The following POU2F2 variants were observed in gnomAD, a reference collection of about 807,000 sequenced individuals.
POU2F2 encodes the protein POU domain, class 2, transcription factor 2.
POU2F2 carries 14 observed loss-of-function variants against 63.5 expected under a neutral mutation model. That is an observed-to-expected ratio of 0.22 (90% CI 0.15 to 0.34). The LOEUF (loss-of-function observed/expected upper bound fraction) is 0.34. Ranked by LOEUF, POU2F2 falls within the 10% of genes least tolerant of loss-of-function variation. The pLI is 1.00. For synonymous variants in POU2F2, 306 were observed against 348.6 expected (o/e 0.88, Z 1.36); for missense variants, 607 against 815.2 (o/e 0.74, Z 3.11).
At chr19:42,188,344 T>G in intron 1 of POU2F2, among the ~76,000 whole-genome samples, 2 of 139,698 alleles carry the variant, frequency 1.4e-5, no homozygotes, top group Non-Finnish European at 3.1e-5. Flanking sequence ...GCAACCTGGG[T>G]GACAGAGTGA....
Position 42,117,511 on chromosome 19 carries a change from G to C in POU2F2, c.187-79C>G. ...GAGGAGCAGACTGGGGTGTGGACATGAGGGTGCAGTCTGTGGTCCTGCACT... is the reference window on the plus strand; with the variant it reads ...GAGGAGCAGACTGGGGTGTGGACATCAGGGTGCAGTCTGTGGTCCTGCACT... On this transcript the variant is annotated intron_variant, in intron 4 of 14. Transcript: ENST00000692977. This position sits in a 1 kb window ranked among gnomAD's most constrained non-coding sequence, Gnocchi z 4.4. 1 of 676,110 alleles carries C rather than the reference G, an allele frequency of 1.5e-6. No homozygotes were observed. Among genetic ancestry groups the C allele is most frequent in the Non-Finnish European group, 2.6e-6 (1 of 390,946 alleles). 41.9% of individuals were successfully genotyped at this position (676,110 alleles called of 1,614,324 possible).
intron 1 of POU2F2, among the ~76,000 whole-genome samples, chr19:42,185,382 T>TG (rs2146819598): frequency 6.6e-6 from 1 of 152,274 alleles, no homozygotes; most frequent in East Asian, 1.9e-4. Flanking sequence ...AATATGGCTC[T>TG]GATCAAATCA....
In POU2F2 at chr19:42,096,904, A is replaced by G. The variant is rs1351602599; in HGVS notation, c.568-661T>C. The stretch of plus-strand genomic sequence containing the variant: ...ATGTGTAGGGGCAGAGATAGATGGG[A>G]TATCTCTATATCTTCCACTCAGTTT... On this transcript the variant is annotated intron_variant, in intron 7 of 14. Transcript: ENST00000692977. This position sits in a 1 kb window ranked among gnomAD's most constrained non-coding sequence, Gnocchi z 4.1. Among the ~76,000 whole-genome samples the G allele has an allele frequency of 1.3e-5, 2 of 152,122 alleles. No individual in the cohort carries two copies. The highest frequency in any genetic ancestry group is 6.6e-5 in the Admixed American group (1 of 15,252).
rs1297794674 is a variant in POU2F2, at chr19:42,171,309, T to C, written c.-70+4654A>G. On this transcript the variant is annotated intron_variant, in intron 1 of 6. Coordinates refer to the POU2F2 transcript ENST00000524801. ...AAGTCAAAATGAGTGTGTGTGTGTA[T>C]GCGTGTGTGTCTGTGTCTGTGTGTG... Among the ~76,000 whole-genome samples the C allele has an allele frequency of 2.0e-5, 3 of 152,090 alleles. 1 individual carries two copies. Among genetic ancestry groups the C allele is most frequent in the Non-Finnish European group, 2.9e-5 (2 of 68,004 alleles).
At position 42,099,569 on chromosome 19, in the gene POU2F2, T is replaced by A; in HGVS notation, c.525A>T (p.Gly175=). ...CCCGGGGCTGGGAGGTCAGAAGAGC[T>A]CCCTGGGTTTGCTGAGGTAGCTGGA... ...NLFQLPQQTQ[G]ALLTSQPRAG... The change falls in exon 7 of 15, where the codon GGA becomes GGT. Residue 175 remains glycine (G), a synonymous_variant. Coordinates refer to ENST00000692977, the MANE Select transcript of POU2F2 (RefSeq NM_001394376.1). The A allele has an allele frequency of 1.2e-6, 2 of 1,614,034 alleles. No individual in the cohort carries two copies. The highest frequency in any genetic ancestry group is 1.7e-6 in the Non-Finnish European group (2 of 1,179,970).
At chr19:42,137,617 T>G (rs757092751) in intron 2 of POU2F2, among the ~76,000 whole-genome samples, 6 of 151,762 alleles carry the variant, frequency 4.0e-5, no homozygotes, top group Non-Finnish European at 5.9e-5. Context: ...TCCCAGCTAC[T>G]CGAGAGGCTG....
chr19:42,164,889 G>A (rs577286943), intron 1 of POU2F2, among the ~76,000 whole-genome samples: 1 of 151,652 alleles, frequency 6.6e-6, no homozygotes. Flanking sequence ...TTAAGCCTCA[G>A]AGGTAGAGGC....
chr19:42,163,473 C>A (rs1331469826), intron 1 of POU2F2, among the ~76,000 whole-genome samples: 1 of 152,120 alleles, frequency 6.6e-6, no homozygotes. Context: ...TGAGGGAAGC[C>A]TGAGTGGGCA....
chr19:42,176,482 TCGCTCCTC>T (rs953473010), upstream of POU2F2, among the ~76,000 whole-genome samples: 15 of 152,178 alleles, frequency 9.9e-5, no homozygotes, highest in African/African-American at 2.6e-4. Flanking sequence ...GCCTCGGCTC[TCGCTCCTC>T]CGCTCCTCCG....
rs1344335686 is a variant in POU2F2, at chr19:42,095,169, A to AAG, written c.1197+115_1197+116dup. Reference sequence around the variant, plus strand: ...CCCATCTACGTGATGGCCTGTCTCCAAGAGTGACTCTTCTTGTCTCTGTTC... The same window carrying AAG: ...CCCATCTACGTGATGGCCTGTCTCCAAGAGAGTGACTCTTCTTGTCTCTGTTC... On this transcript the variant is annotated intron_variant, in intron 11 of 14. Coordinates refer to ENST00000692977, the MANE Select transcript of POU2F2 (RefSeq NM_001394376.1). This position sits in a 1 kb window ranked among gnomAD's most constrained non-coding sequence, Gnocchi z 7.1. 2.8e-5 allele frequency: 37 copies of AAG among 1,304,414 alleles called. 1 individual carries two copies. Among genetic ancestry groups the AAG allele is most frequent in the Middle Eastern group, 2.7e-4 (1 of 3,702 alleles). The allele number at this position is 1,304,414 out of a possible 1,614,324, so 80.8% of individuals were successfully genotyped here.
At chr19:42,102,863 G>T (rs1013947033) in intron 5 of POU2F2, among the ~76,000 whole-genome samples, 1 of 151,996 alleles carries the variant, frequency 6.6e-6, no homozygotes, top group Non-Finnish European at 1.5e-5. Flanking sequence ...AAGCAAAACC[G>T]CTTTACACAC....
intron 1 of POU2F2, among the ~76,000 whole-genome samples, chr19:42,161,227 C>T (rs748313470): frequency 1.3e-5 from 2 of 152,090 alleles, no homozygotes; most frequent in Admixed American, 6.5e-5. Flanking sequence ...GTGCAAGGAA[C>T]GAGAGAATGC....
Position 42,092,795 on chromosome 19 carries a change from T to C in POU2F2, c.1265-525A>G, listed in dbSNP as rs1389633509. Among the ~76,000 whole-genome samples the C allele has an allele frequency of 6.6e-6, 1 of 152,106 alleles. No homozygotes were observed. Among genetic ancestry groups the C allele is most frequent in the Non-Finnish European group, 1.5e-5 (1 of 68,018 alleles). ...AAAATGGGGATAATAATAGACCCTA[T>C]CTCATAAAATGAGTTTGAGAATTAA... On this transcript the variant is annotated intron_variant, in intron 12 of 14. Transcript: ENST00000692977. This position sits in a 1 kb window ranked among gnomAD's most constrained non-coding sequence, Gnocchi z 5.0.
upstream of POU2F2, among the ~76,000 whole-genome samples, chr19:42,197,325 G>C (rs191844997): frequency 1.3e-5 from 2 of 152,322 alleles, no homozygotes; most frequent in African/African-American, 4.8e-5. Flanking sequence ...AATAGATCTT[G>C]AGTAGGTGTC....
intron 1 of POU2F2, among the ~76,000 whole-genome samples, chr19:42,131,977 G>GCA (rs1294241650): frequency 1.3e-5 from 2 of 152,054 alleles, no homozygotes; most frequent in African/African-American, 4.8e-5. Context: ...TACCAGATGT[G>GCA]CACACACACA....
In POU2F2 at chr19:42,169,396, G is replaced by A. The variant is rs144280038; in HGVS notation, c.-70+6567C>T. ...CCCTGAGAGGTCTCAGCACCTATGT[G>A]CCTGCACAGACATCTGGGTTTTCAT... On this transcript the variant is annotated intron_variant, in intron 1 of 6. Coordinates refer to the POU2F2 transcript ENST00000524801. This position sits in a 1 kb window ranked among gnomAD's most constrained non-coding sequence, Gnocchi z 4.3. Among the ~76,000 whole-genome samples the A allele has an allele frequency of 7.9e-5, 12 of 152,350 alleles. No individual in the cohort carries two copies. Among genetic ancestry groups the A allele is most frequent in the African/African-American group, 2.6e-4 (11 of 41,578 alleles).
Position 42,122,547 on chromosome 19 carries a change from C to T in POU2F2, c.58G>A (p.Glu20Lys), listed in dbSNP as rs568968230. ...GATGGGGAGTCCAGACCTTGCTTCT[C>T]GGCCTCCAGGGGCTTAGACATTCTT... ...EIRMSKPLEA[E>K]KQGLDSPSEH... The change falls in exon 2 of 15, where the codon GAG becomes AAG. Residue 20 changes from glutamate (E) to lysine (K), a missense_variant. Glu to Lys is a moderately conservative substitution (Grantham distance 56). Coordinates refer to ENST00000692977, the MANE Select transcript of POU2F2 (RefSeq NM_001394376.1). 1.6e-5 allele frequency: 26 copies of T among 1,604,118 alleles called. No individual in the cohort carries two copies. The highest frequency in any genetic ancestry group is 1.7e-4 in the Middle Eastern group (1 of 5,972).
intron 11 of POU2F2, among the ~76,000 whole-genome samples, chr19:42,094,460 G>A (rs1443932781): frequency 2.6e-5 from 4 of 152,114 alleles, no homozygotes; most frequent in Admixed American, 2.0e-4. Flanking sequence ...CTTTGCATCA[G>A]CCCCAGAAAC....
chr19:42,092,383 G>A lies in POU2F2; in HGVS notation c.1265-113C>T. ...GCCCAGCTCACGCAGCATCTCCTCA[G>A]TCAGAACAGCCTTAGACCTCCCTGC... On this transcript the variant is annotated intron_variant, in intron 12 of 14. Coordinates refer to ENST00000692977, the MANE Select transcript of POU2F2 (RefSeq NM_001394376.1). This position sits in a 1 kb window ranked among gnomAD's most constrained non-coding sequence, Gnocchi z 5.0. 1.2e-6 allele frequency: 1 copy of A among 824,884 alleles called. No individual in the cohort carries two copies. The allele number at this position is 824,884 out of a possible 1,614,324, so 51.1% of individuals were successfully genotyped here.
Sources: allele counts gnomAD v4.1 joint callset (sites outside exome capture counted in the v4.1 genomes callset), GRCh38; gene constraint gnomAD v4.1.1; non-coding constraint Gnocchi (gnomAD v3.1); transcripts MANE v1.5; gene names NCBI Gene and HGNC (gene_info 2026-07-23, HGNC 2026-07-21).